Variants in DNAH6 observed in about 807,000 individuals in gnomAD.
DNAH6 encodes the protein dynein axonemal heavy chain 6.
DNAH6 carries 340 observed loss-of-function variants against 491.4 expected under a neutral mutation model. The ratio of observed to expected loss-of-function variants is 0.69; its 90% CI spans 0.63 to 0.76. The LOEUF (loss-of-function observed/expected upper bound fraction) is 0.76. DNAH6 is among the 30% of genes least tolerant of loss of function. DNAH6 has a pLI of 0.00. For synonymous variants in DNAH6, 1,603 were observed against 1,686.1 expected (o/e 0.95, Z 1.21); for missense variants, 4,443 against 4,972.2 (o/e 0.89, Z 3.20).
rs552510261 is a variant in DNAH6, at chr2:84,594,863, G to A, written c.2724+778G>A. On this transcript the variant is annotated intron_variant, in intron 17 of 76. Transcript: ENST00000389394. ...AGAATAAGAAGAACAAAGTTCAAACGTAGAACTCTTTGGTGGAGAAAATAG... is the reference window on the plus strand; with the variant it reads ...AGAATAAGAAGAACAAAGTTCAAACATAGAACTCTTTGGTGGAGAAAATAG... Among the ~76,000 whole-genome samples the A allele has an allele frequency of 8.5e-5, 13 of 152,292 alleles. No homozygotes were observed. The East Asian group carries it at 1.7e-3, about 20-fold the overall frequency.
intron 72 of DNAH6, among the ~76,000 whole-genome samples, chr2:84,809,302 G>A (rs1348730599): frequency 6.6e-6 from 1 of 152,210 alleles, no homozygotes; most frequent in Non-Finnish European, 1.5e-5. Flanking sequence ...GTCAAGACTT[G>A]GGGATAAGAT....
the DNAH6 span, among the ~76,000 whole-genome samples, chr2:84,468,649 C>A: frequency 6.6e-6 from 1 of 152,164 alleles, no homozygotes; most frequent in African/African-American, 2.4e-5. Context: ...TTACTTACTT[C>A]GTAGGTGGGG....
chr2:84,560,851 G>A (rs1369843599), intron 11 of DNAH6, among the ~76,000 whole-genome samples: 6 of 151,694 alleles, frequency 4.0e-5, no homozygotes, highest in Non-Finnish European at 7.4e-5. Context: ...TCTTAATCCC[G>A]TCTATCATTG....
intron 21 of DNAH6, among the ~76,000 whole-genome samples, chr2:84,609,929 A>G (rs1475441012): frequency 6.6e-6 from 1 of 152,172 alleles, no homozygotes; most frequent in African/African-American, 2.4e-5. Flanking sequence ...TGAAACAAAT[A>G]CTACAAACTT....
intron 31 of DNAH6, among the ~76,000 whole-genome samples, chr2:84,639,817 C>T (rs773477437): frequency 1.3e-5 from 2 of 152,124 alleles, no homozygotes; most frequent in Non-Finnish European, 2.9e-5. Flanking sequence ...AAGAACTCTG[C>T]GTCATTCTAA....
rs538812260 is a variant in DNAH6 at position 84,662,045 on chromosome 2, A to G, written c.6084+2876A>G. On this transcript the variant is annotated intron_variant, in intron 37 of 76. Transcript: ENST00000389394. ...AGGGTGGTTATATTGATATTTACAT[A>G]TATGAAACTCTCTAAAATGGACTCT... Among the ~76,000 whole-genome samples the G allele has an allele frequency of 2.0e-5, 3 of 152,264 alleles. No homozygotes were observed. The South Asian group carries it at 6.2e-4, about 32-fold the overall frequency.
chr2:84,684,958 G>T (rs1448293816), intron 42 of DNAH6, among the ~76,000 whole-genome samples: 1 of 152,134 alleles, frequency 6.6e-6, no homozygotes, highest in Non-Finnish European at 1.5e-5. Flanking sequence ...GAGGAGGAAA[G>T]TTGCAAGATA....
chr2:84,662,087 A>C (rs1220827528), intron 37 of DNAH6, among the ~76,000 whole-genome samples: 1 of 152,182 alleles, frequency 6.6e-6, no homozygotes, highest in Non-Finnish European at 1.5e-5. Flanking sequence ...TTGACAAAAA[A>C]GGTTATGTTA....
chr2:84,598,002 A>C (rs1410885202), intron 18 of DNAH6, among the ~76,000 whole-genome samples: 1 of 152,078 alleles, frequency 6.6e-6, no homozygotes, highest in African/African-American at 2.4e-5. Context: ...CAAGTAAGAG[A>C]AGCCAGTCAA....
the DNAH6 span, among the ~76,000 whole-genome samples, chr2:84,509,561 T>C: frequency 6.6e-6 from 1 of 152,232 alleles, no homozygotes; most frequent in Non-Finnish European, 1.5e-5. Flanking sequence ...ATTGGAGCAT[T>C]TATCCCATTT....
intron 63 of DNAH6, among the ~76,000 whole-genome samples, chr2:84,760,863 G>T (rs1027523527): frequency 6.6e-6 from 1 of 152,042 alleles, no homozygotes; most frequent in Non-Finnish European, 1.5e-5. Context: ...CACCTGCCTC[G>T]ACCTCCTGAA....
intron 29 of DNAH6, among the ~76,000 whole-genome samples, chr2:84,625,627 TA>T (rs564269604): frequency 3.7e-4 from 57 of 152,288 alleles, no homozygotes; most frequent in African/African-American, 1.2e-3. Context: ...ATTTATTTGT[TA>T]AAAAAATAAC....
rs1425248633 is a variant in DNAH6, at chr2:84,637,227, T to A, written c.4671T>A (p.Phe1557Leu). The A allele has an allele frequency of 1.3e-6, 2 of 1,546,618 alleles. No individual in the cohort carries two copies. The highest frequency in any genetic ancestry group is 4.0e-5 in the Admixed American group (2 of 50,626). Residue 1557 changes from phenylalanine (F) to leucine (L), a missense_variant, in exon 31 of 77, where the codon TTT becomes TTA. Coordinates refer to ENST00000389394, the MANE Select transcript of DNAH6 (RefSeq NM_001370.2). Reference sequence around the variant, plus strand: ...TCGAACAGCTCTCTAGATTCATGTTTGAGGGGCGGGAAATAAAGTTGGTGA... The same window carrying A: ...TCGAACAGCTCTCTAGATTCATGTTAGAGGGGCGGGAAATAAAGTTGGTGA... ...AKAAKLSRFMFEGREIKLVMT... is the reference protein window; with the variant it reads ...AKAAKLSRFMLEGREIKLVMT...
In DNAH6 at chr2:84,676,896, C is replaced by CA. The variant is rs551547344; in HGVS notation, c.6613-100dup. 4,435 of 1,212,038 alleles carry CA rather than the reference C, an allele frequency of 3.7e-3. 5 individuals carry two copies. Among genetic ancestry groups the CA allele is most frequent in the East Asian group, 6.3e-3 (238 of 37,634 alleles). The allele number at this position is 1,212,038 out of a possible 1,614,324, so 75.1% of individuals were successfully genotyped here. On this transcript the variant is annotated intron_variant, in intron 40 of 76. Transcript: ENST00000389394. ...TGAGAATTAAGTCATTTAACATGCA[C>CA]AAAAAAAAATGTAATGCAATGCTGG...
rs58518459 is a variant in DNAH6 at position 84,571,117 on chromosome 2, G to A, written c.1804-2350G>A. On this transcript the variant is annotated intron_variant, in intron 11 of 76. Coordinates refer to ENST00000389394, the MANE Select transcript of DNAH6 (RefSeq NM_001370.2). ...ATAAAATGAGAATATATGAGTCCAT[G>A]TTGTGAAATAATGAATTAACAAACT... 6.5e-3 allele frequency among the ~76,000 whole-genome samples: 984 copies of A among 152,318 alleles called. 8 individuals are homozygous for A. Among genetic ancestry groups the A allele is most frequent in the African/African-American group, 0.023 (939 of 41,576 alleles).
rs1676695518 is a variant in DNAH6 at position 84,781,477 on chromosome 2, T to C, written c.10704-16T>C. 1 of 1,540,984 alleles carries C rather than the reference T, an allele frequency of 6.5e-7. No homozygotes were observed. The highest frequency in any genetic ancestry group is 8.8e-7 in the Non-Finnish European group (1 of 1,139,890). ...AATAGCATAAGATGATATTGTGTTC[T>C]TGCTGTTCAATTCAGGGTGCAGTCA... On this transcript the variant is annotated splice_polypyrimidine_tract_variant and intron_variant, in intron 64 of 76. Transcript: ENST00000389394.
At chr2:84,662,783 C>A (rs1691655119) in intron 37 of DNAH6, among the ~76,000 whole-genome samples, 1 of 152,224 alleles carries the variant, frequency 6.6e-6, no homozygotes, top group Non-Finnish European at 1.5e-5. Flanking sequence ...GTTTTGAGAT[C>A]TGACAGCAGA....
At chr2:84,660,629 A>G (rs1259302349) in intron 37 of DNAH6, among the ~76,000 whole-genome samples, 1 of 152,086 alleles carries the variant, frequency 6.6e-6, no homozygotes, top group Non-Finnish European at 1.5e-5. Context: ...TAAAAAAAAA[A>G]CTTGCAAACA....
At chr2:84,545,279 A>G (rs1678663383) in intron 5 of DNAH6, among the ~76,000 whole-genome samples, 1 of 152,156 alleles carries the variant, frequency 6.6e-6, no homozygotes, top group African/African-American at 2.4e-5. Context: ...GCTAACATAA[A>G]TATTAGTACA....
Sources: gnomAD v4.1 joint callset for allele counts (sites outside exome capture counted in the v4.1 genomes callset) on GRCh38, gnomAD v4.1.1 for gene constraint, MANE v1.5 for transcripts, NCBI Gene and HGNC (gene_info 2026-07-23, HGNC 2026-07-21) for gene names.